The following SLC22A11 variants were observed in gnomAD, a reference collection of about 807,000 sequenced individuals.
SLC22A11 encodes the protein organic anion transporter 4.
Under a neutral mutation model 49.4 loss-of-function variants are expected in SLC22A11, and 42 were observed. That is an observed-to-expected ratio of 0.85 (90% CI 0.66 to 1.10). The LOEUF is 1.10. Among genes scored for constraint, SLC22A11 ranks in the 50% least tolerant of loss-of-function variants. The pLI, the probability that SLC22A11 is intolerant of heterozygous loss-of-function variation, is 0.00. For missense variants in SLC22A11, 685 were observed against 731.6 expected (o/e 0.94, Z 0.74); for synonymous variants, 304 against 315.8 (o/e 0.96, Z 0.40).
chr11:64,569,915 A>G, intron 9 of SLC22A11, 57 bp downstream of exon 9: 1 of 1,573,520 alleles, frequency 6.4e-7, no homozygotes, highest in Non-Finnish European at 8.7e-7. Context: ...GCCAAGATGG[A>G]GACAGGCCTG....
intron 9 of SLC22A11, among the ~76,000 whole-genome samples, chr11:64,570,161 C>A (rs2038685094): frequency 6.6e-6 from 1 of 152,216 alleles, no homozygotes; most frequent in African/African-American, 2.4e-5. Context: ...CCACGTTCCC[C>A]ACCTGCCTGG....
At position 64,564,849 on chromosome 11, in the gene SLC22A11, G is replaced by A. The variant is rs951851310; in HGVS notation, c.943-373G>A. On this transcript the variant is annotated intron_variant, in intron 5 of 9. Coordinates refer to ENST00000301891, the MANE Select transcript of SLC22A11 (RefSeq NM_018484.4). The surrounding 1 kb of genome is among the most constrained non-coding windows in gnomAD (Gnocchi z 4.2). ...CACCACCTCCACCTGCATGTAGCAC[G>A]CACCCACCTCATGGGGGTTCTCGAT... Among the ~76,000 whole-genome samples the A allele has an allele frequency of 2.6e-5, 4 of 152,150 alleles. No individual in the cohort carries two copies. The highest frequency in any genetic ancestry group is 4.8e-5 in the African/African-American group (2 of 41,432).
At position 64,567,496 on chromosome 11, in the gene SLC22A11, G is replaced by A. The variant is rs114490109; in HGVS notation, c.1059-103G>A. On this transcript the variant is annotated intron_variant, in intron 6 of 9. Transcript: ENST00000301891. ...GACAAGCCCAGGATTGTCCTCCGGG[G>A]TTGGCCATGTCCTCCCAGGCAGCTC... The A allele has an allele frequency of 2.2e-3, 2,306 of 1,049,472 alleles. 28 individuals carry two copies. The African/African-American group carries it at 0.027, about 12-fold the overall frequency. The allele number at this position is 1,049,472 out of a possible 1,614,324, so 65.0% of individuals were successfully genotyped here. A position where few individuals can be genotyped will look rare whatever the true frequency, so the allele number is the denominator to read the frequency against.
At chr11:64,563,262 C>T (rs995968767) in intron 4 of SLC22A11, among the ~76,000 whole-genome samples, 3 of 152,068 alleles carry the variant, frequency 2.0e-5, no homozygotes, top group Admixed American at 6.6e-5. Flanking sequence ...ACACTAGGTG[C>T]GTATTAACAC....
intron 1 of SLC22A11, among the ~76,000 whole-genome samples, chr11:64,558,018 G>T (rs921262423): frequency 1.3e-5 from 2 of 151,970 alleles, no homozygotes; most frequent in South Asian, 4.2e-4. Flanking sequence ...GGCTGGTCTC[G>T]AACTCCTGAC....
At position 64,564,207 on chromosome 11, in the gene SLC22A11, C is replaced by G. The variant is rs547186735; in HGVS notation, c.822-101C>G. On this transcript the variant is annotated intron_variant, in intron 4 of 9. Transcript: ENST00000301891. This position sits in a 1 kb window ranked among gnomAD's most constrained non-coding sequence, Gnocchi z 4.2. ...GGCACAGAAGCATGTGCTTCCTCAT[C>G]ACTCATCTCAGCTGGAGGGTCCGTG... 3 of 1,437,782 alleles carry G rather than the reference C, an allele frequency of 2.1e-6. No individual in the cohort carries two copies. The African/African-American group carries it at 4.2e-5, about 20-fold the overall frequency. The allele number at this position is 1,437,782 out of a possible 1,614,324, so 89.1% of individuals were successfully genotyped here.
chr11:64,560,132 C>T (rs569615406), intron 2 of SLC22A11, among the ~76,000 whole-genome samples: 3 of 151,496 alleles, frequency 2.0e-5, no homozygotes, highest in South Asian at 2.1e-4. Context: ...GACCCTTCTG[C>T]GCCTGCGCTG....
At chr11:64,559,012 T>C in intron 1 of SLC22A11, 123 bp from the exon 2 acceptor site, 2 of 808,828 alleles carry the variant, frequency 2.5e-6, no homozygotes, top group Non-Finnish European at 4.2e-6. Flanking sequence ...GCAGGTCCTC[T>C]CTACCTCTGT....
At chr11:64,558,996 T>C (rs2038503106) in intron 1 of SLC22A11, 139 bp from the exon 2 acceptor site, 1 of 713,476 alleles carries the variant, frequency 1.4e-6, no homozygotes, top group Non-Finnish European at 2.5e-6. Context: ...TGCAGCCCCA[T>C]GGCCAGCAGG....
chr11:64,567,273 G>C (rs1007894230), intron 6 of SLC22A11, among the ~76,000 whole-genome samples: 1 of 152,230 alleles, frequency 6.6e-6, no homozygotes. Flanking sequence ...GGGCTAGTCC[G>C]GAAGTGAGGG....
intron 4 of SLC22A11, among the ~76,000 whole-genome samples, chr11:64,563,529 C>T (rs949598253): frequency 1.3e-5 from 2 of 149,592 alleles, no homozygotes; most frequent in East Asian, 4.0e-4. Flanking sequence ...TTTCTCCTGG[C>T]CCACCTGCCC....
intron 1 of SLC22A11, 84 bp downstream of exon 1, chr11:64,556,476 G>A: frequency 1.3e-6 from 2 of 1,536,390 alleles, no homozygotes; most frequent in Middle Eastern, 1.7e-4. Flanking sequence ...CCAAGGTCCA[G>A]TCCTGGGAGG....
At chr11:64,570,750 A>G (rs1278988510) in intron 9 of SLC22A11, among the ~76,000 whole-genome samples, 1 of 152,212 alleles carries the variant, frequency 6.6e-6, no homozygotes, top group Non-Finnish European at 1.5e-5. Flanking sequence ...GCCTAAGGAC[A>G]CCTGCAGAGA....
chr11:64,564,701 A>G lies in SLC22A11; in HGVS notation c.942+273A>G, dbSNP rs1017650502. On this transcript the variant is annotated intron_variant, in intron 5 of 9. Transcript: ENST00000301891. The surrounding 1 kb of genome is among the most constrained non-coding windows in gnomAD (Gnocchi z 4.2). ...CACTCCATCACCACCAGCACCACCA[A>G]TACCATCACTAACCCCACAGCCACC... Among the ~76,000 whole-genome samples, 1 of 151,818 alleles carries G rather than the reference A, an allele frequency of 6.6e-6. No individual in the cohort carries two copies. The highest frequency in any genetic ancestry group is 2.4e-5 in the African/African-American group (1 of 41,302).
At position 64,562,125 on chromosome 11, in the gene SLC22A11, A is replaced by T. The variant is rs1261406130; in HGVS notation, c.619A>T (p.Met207Leu). ...CCTGCGGTTCGTGGCCGCTTTTGGGATGGCCGGCATCTTTCTGAGTTCACT... is the reference window on the plus strand; with the variant it reads ...CCTGCGGTTCGTGGCCGCTTTTGGGTTGGCCGGCATCTTTCTGAGTTCACT... ...CGLRFVAAFG[M>L]AGIFLSSLTL... The change falls in exon 3 of 10, where the codon ATG becomes TTG. Residue 207 changes from methionine to leucine, a missense_variant. By Grantham distance (15) the Met-to-Leu change is conservative. Coordinates refer to ENST00000301891, the MANE Select transcript of SLC22A11 (RefSeq NM_018484.4). This position sits in a 1 kb window ranked among gnomAD's most constrained non-coding sequence, Gnocchi z 4.4. The T allele has an allele frequency of 6.2e-7, 1 of 1,613,734 alleles. No homozygotes were observed. The highest frequency in any genetic ancestry group is 8.5e-7 in the Non-Finnish European group (1 of 1,179,976).
At chr11:64,558,886 A>C (rs1470534595) in intron 1 of SLC22A11, among the ~76,000 whole-genome samples, 1 of 152,156 alleles carries the variant, frequency 6.6e-6, no homozygotes, top group Non-Finnish European at 1.5e-5. Context: ...TGTCCTCTGC[A>C]TGAGGGGGGC....
Position 64,565,324 on chromosome 11 carries a change from A to G in SLC22A11, c.1045A>G (p.Met349Val), listed in dbSNP as rs1352426579. 1.3e-6 allele frequency: 2 copies of G among 1,549,772 alleles called. No homozygotes were observed. Among genetic ancestry groups the G allele is most frequent in the African/African-American group, 2.7e-5 (2 of 73,106 alleles). Residue 349 changes from methionine to valine, a missense_variant, in exon 6 of 10, where the codon ATG (methionine) becomes GTG (valine). Physicochemically the swap from Met to Val is conservative, Grantham distance 21. Coordinates refer to ENST00000301891, the MANE Select transcript of SLC22A11 (RefSeq NM_018484.4). This position sits in a 1 kb window ranked among gnomAD's most constrained non-coding sequence, Gnocchi z 4.1. ...VPVLRWRSCAMLVVNFSLLIS... is the reference protein window; with the variant it reads ...VPVLRWRSCAVLVVNFSLLIS... Reference sequence around the variant, plus strand: ...CGTGCTCCGCTGGAGGAGCTGCGCCATGCTGGTGGTGAAGTACGCCGTCCT... The same window carrying G: ...CGTGCTCCGCTGGAGGAGCTGCGCCGTGCTGGTGGTGAAGTACGCCGTCCT...
In SLC22A11 at chr11:64,562,384, C is replaced by G; in HGVS notation, c.770C>G (p.Thr257Ser). The G allele has an allele frequency of 6.2e-7, 1 of 1,607,756 alleles. No individual in the cohort carries two copies. The highest frequency in any genetic ancestry group is 8.5e-7 in the Non-Finnish European group (1 of 1,176,710). The change falls in exon 4 of 10, where the codon ACT becomes AGT. Residue 257 changes from threonine (T) to serine (S), a missense_variant. Transcript: ENST00000301891. This position sits in a 1 kb window ranked among gnomAD's most constrained non-coding sequence, Gnocchi z 4.4. ...GLAFALRDWR[T>S]LQLAASVPFF... is the part of the protein sequence containing the mutation. ...GCCTTTGCCCTGCGGGACTGGAGGA[C>G]TCTCCAGCTGGCAGCATCAGTGCCC...
rs117284049 is a variant in SLC22A11, at chr11:64,570,613, T to C, written c.1590-366T>C. Among the ~76,000 whole-genome samples the C allele has an allele frequency of 5.2e-3, 791 of 152,312 alleles. 4 individuals are homozygous for C. Among genetic ancestry groups the C allele is most frequent in the Non-Finnish European group, 8.9e-3 (606 of 68,024 alleles). On this transcript the variant is annotated intron_variant, in intron 9 of 9. Transcript: ENST00000301891. Reference sequence around the variant, plus strand: ...CTGATGGTGACCGAGGTCACAATGATAGTAATAATACTGAGTTCTTATTGT... The same window carrying C: ...CTGATGGTGACCGAGGTCACAATGACAGTAATAATACTGAGTTCTTATTGT...
Sources: gnomAD v4.1 joint callset for allele counts (sites outside exome capture counted in the v4.1 genomes callset) on GRCh38, gnomAD v4.1.1 for gene constraint, Gnocchi (gnomAD v3.1) non-coding constraint, MANE v1.5 for transcripts, NCBI Gene and HGNC (gene_info 2026-07-23, HGNC 2026-07-21) for gene names.